MTMR2: variants seen among roughly 807,000 people sequenced by gnomAD.
MTMR2 encodes the protein phosphatidylinositol-3,5-bisphosphate 3-phosphatase MTMR2.
Under a neutral mutation model 86.9 loss-of-function variants are expected in MTMR2, and 55 were observed. That is an observed-to-expected ratio of 0.63 (90% confidence interval 0.51 to 0.79). MTMR2 has a LOEUF of 0.79. MTMR2 is among the 30% of genes least tolerant of loss of function. MTMR2 has a pLI of 0.00. For missense variants in MTMR2, 659 were observed against 772.3 expected, an observed-to-expected ratio of 0.85 and a Z score of 1.74; for synonymous variants, 241 against 266.8, an observed-to-expected ratio of 0.90 and a Z score of 0.94.
chr11:95,859,384 T>C (rs1864322717), intron 5 of MTMR2, among the ~76,000 whole-genome samples: 1 of 152,234 alleles, frequency 6.6e-6, no homozygotes, highest in Non-Finnish European at 1.5e-5. Flanking sequence ...TACTGGTATC[T>C]TAACAGCACT....
intron 10 of MTMR2, among the ~76,000 whole-genome samples, chr11:95,846,247 T>C (rs1863785090): frequency 6.6e-6 from 1 of 152,324 alleles, no homozygotes; most frequent in East Asian, 1.9e-4. Flanking sequence ...GGAAGAGTTA[T>C]CCAAAGTAGT....
chr11:95,856,091 A>T (rs1864200858), intron 7 of MTMR2, among the ~76,000 whole-genome samples: 1 of 152,208 alleles, frequency 6.6e-6, no homozygotes, highest in Admixed American at 6.5e-5. Context: ...AGAAAAGCAC[A>T]GAAGAGTGTG....
In MTMR2 at chr11:95,857,639, C is replaced by T. The variant is rs767970889; in HGVS notation, c.571-4G>A. 5 of 1,577,372 alleles carry T rather than the reference C, an allele frequency of 3.2e-6. No individual in the cohort carries two copies. Among genetic ancestry groups the T allele is most frequent in the Non-Finnish European group, 3.5e-6 (4 of 1,149,944 alleles). ...TGTATTCAAAAGCAAAAAGAGGCTACAAAAAAGTAAACAATGGTAAGAGCT... is the reference window on the plus strand; with the variant it reads ...TGTATTCAAAAGCAAAAAGAGGCTATAAAAAAGTAAACAATGGTAAGAGCT... On this transcript the variant is annotated splice_polypyrimidine_tract_variant and splice_region_variant and intron_variant, in intron 6 of 14. Transcript: ENST00000346299.
chr11:95,881,096 T>A (rs973723926), intron 2 of MTMR2, among the ~76,000 whole-genome samples: 1 of 152,068 alleles, frequency 6.6e-6, no homozygotes, highest in Admixed American at 6.5e-5. Flanking sequence ...ATCTAATGAA[T>A]CCAGTTGGTG....
At chr11:95,841,483 G>C in intron 12 of MTMR2, 134 bp downstream of exon 12, 1 of 754,468 alleles carries the variant, frequency 1.3e-6, no homozygotes, top group Non-Finnish European at 2.4e-6. Flanking sequence ...ACAATAAATA[G>C]CTCTCACATG....
In MTMR2 at chr11:95,924,104, G is replaced by C. The variant is rs1443825711; in HGVS notation, c.-150C>G. On this transcript the variant is annotated 5_prime_UTR_variant, in exon 1 of 15. Coordinates refer to ENST00000346299, the MANE Select transcript of MTMR2 (RefSeq NM_016156.6). ...CCGGAAGCGGCCATGTTCCCCCAGA[G>C]TGCACCGCGCCTGTAGGCTGCTGGG... 2 of 963,964 alleles carry C rather than the reference G, an allele frequency of 2.1e-6. No individual in the cohort carries two copies. Among genetic ancestry groups the C allele is most frequent in the Admixed American group, 2.1e-5 (1 of 46,618 alleles). The allele number at this position is 963,964 out of a possible 1,614,324, so 59.7% of individuals were successfully genotyped here.
intron 1 of MTMR2, chr11:95,923,566 T>TA (rs1176098193): frequency 1.2e-6 from 1 of 862,572 alleles, no homozygotes. Flanking sequence ...GGAACTGTCT[T>TA]AAAAAAGGTT....
chr11:95,906,436 C>T (rs1288256307), intron 1 of MTMR2, among the ~76,000 whole-genome samples: 1 of 152,104 alleles, frequency 6.6e-6, no homozygotes, highest in African/African-American at 2.4e-5. Flanking sequence ...ACTTAGATAA[C>T]CACACAATAA....
At chr11:95,879,633 C>T (rs1273719809) in intron 2 of MTMR2, among the ~76,000 whole-genome samples, 1 of 152,148 alleles carries the variant, frequency 6.6e-6, no homozygotes, top group Non-Finnish European at 1.5e-5. Context: ...CACCTACTAT[C>T]GCCAACAAAT....
intron 12 of MTMR2, among the ~76,000 whole-genome samples, chr11:95,838,421 T>A (rs767536319): frequency 6.6e-6 from 1 of 152,068 alleles, no homozygotes; most frequent in Non-Finnish European, 1.5e-5. Context: ...CTGCTATATC[T>A]GCTAACCCTA....
chr11:95,879,548 G>A (rs1322361529), intron 2 of MTMR2, among the ~76,000 whole-genome samples: 1 of 152,100 alleles, frequency 6.6e-6, no homozygotes, highest in Non-Finnish European at 1.5e-5. Flanking sequence ...CTCCAAACAT[G>A]TCTTCATTCT....
chr11:95,844,834 T>C, intron 11 of MTMR2, 119 bp downstream of exon 11: 1 of 932,722 alleles, frequency 1.1e-6, no homozygotes, highest in East Asian at 2.6e-5. Flanking sequence ...GCAAAAACGT[T>C]TACCCCACTA....
intron 12 of MTMR2, among the ~76,000 whole-genome samples, chr11:95,838,782 G>GGCA (rs1219131571): frequency 2.6e-5 from 4 of 151,910 alleles, no homozygotes; most frequent in African/African-American, 9.7e-5. Flanking sequence ...CCACTATTTT[G>GGCA]GCAGCATCTA....
chr11:95,913,846 A>G (rs1172588974), intron 1 of MTMR2, among the ~76,000 whole-genome samples: 1 of 152,162 alleles, frequency 6.6e-6, no homozygotes, highest in Non-Finnish European at 1.5e-5. Context: ...ACAAAACAGT[A>G]GTAAAATTAC....
intron 12 of MTMR2, among the ~76,000 whole-genome samples, chr11:95,839,013 A>C (rs1336082605): frequency 6.6e-6 from 1 of 151,996 alleles, no homozygotes; most frequent in Non-Finnish European, 1.5e-5. Context: ...AAATTATATA[A>C]ATATTTAGAT....
intron 2 of MTMR2, among the ~76,000 whole-genome samples, chr11:95,866,716 T>A (rs759526212): frequency 2.0e-5 from 3 of 147,136 alleles, no homozygotes; most frequent in Non-Finnish European, 4.5e-5. Context: ...TAGTCTTATG[T>A]AGTCATAAAA....
Position 95,845,062 on chromosome 11 carries a change from T to C in MTMR2, c.1277A>G (p.Gln426Arg), listed in dbSNP as rs377452665. The C allele has an allele frequency of 6.2e-7, 1 of 1,613,702 alleles. No homozygotes were observed. Among genetic ancestry groups the C allele is most frequent in the Non-Finnish European group, 8.5e-7 (1 of 1,179,644 alleles). The change falls in exon 11 of 15, where the codon CAG (glutamine) becomes CGG (arginine). Residue 426 changes from glutamine to arginine, a missense_variant. Physicochemically the swap from Gln to Arg is conservative, Grantham distance 43 (BLOSUM62 1). Around this residue, in one of 3 missense-constraint regions of MTMR2, gnomAD observed 387 missense variants for 526.3 expected, o/e 0.74. Coordinates refer to ENST00000346299, the MANE Select transcript of MTMR2 (RefSeq NM_016156.6). ...CATGAGCATGGCAAGGGAAGTGAGCTGAGCTGTGCGATCCCAACCATCACT... is the reference window on the plus strand; with the variant it reads ...CATGAGCATGGCAAGGGAAGTGAGCCGAGCTGTGCGATCCCAACCATCACT... The part of the protein sequence containing the change: ...HCSDGWDRTA[Q>R]LTSLAMLMLD...
intron 11 of MTMR2, among the ~76,000 whole-genome samples, chr11:95,842,942 A>T (rs1393940282): frequency 6.6e-6 from 1 of 152,118 alleles, no homozygotes; most frequent in Non-Finnish European, 1.5e-5. Context: ...CTTTTTTTTT[A>T]ATGGCCTGTG....
chr11:95,878,333 C>T (rs1215967036), intron 2 of MTMR2, among the ~76,000 whole-genome samples: 1 of 151,290 alleles, frequency 6.6e-6, no homozygotes, highest in African/African-American at 2.4e-5. Context: ...TTTTAGGGCA[C>T]TAAAACTATT....
Sources: allele counts gnomAD v4.1 joint callset (sites outside exome capture counted in the v4.1 genomes callset), GRCh38; gene constraint gnomAD v4.1.1; regional missense constraint gnomAD v4.1.1; transcripts MANE v1.5; gene names NCBI Gene and HGNC (gene_info 2026-07-23, HGNC 2026-07-21).